MRPL2: variants seen among roughly 807,000 people sequenced by gnomAD.
MRPL2 encodes the protein mitochondrial ribosomal protein L2.
In MRPL2, 27 loss-of-function variants were observed where a neutral mutation model predicts 34.6. That is an observed-to-expected ratio of 0.78 (90% CI 0.58 to 1.08). The LOEUF (loss-of-function observed/expected upper bound fraction) is 1.08. Ranked by LOEUF, MRPL2 falls within the 50% of genes least tolerant of loss-of-function variation. MRPL2 has a pLI of 0.00. For synonymous variants in MRPL2, 155 were observed against 158.0 expected (o/e 0.98, Z 0.14); for missense variants, 414 against 419.3 (o/e 0.99, Z 0.11).
rs754560879 is a variant in MRPL2 at position 43,054,338 on chromosome 6, T to C, written c.854A>G (p.Lys285Arg). ...WHRKGGWAGR[K>R]IRPLPPMKSY... is the part of the protein sequence containing the mutation. ...CTTCATGGGGGGTAGTGGCCGAATC[T>C]TTCGGCCAGCCCAGCCCCCCTTGCG... Residue 285 changes from lysine (K) to arginine (R), a missense_variant, in exon 7 of 7, where the codon AAG (lysine) becomes AGG (arginine). Lys to Arg is a conservative substitution (Grantham distance 26). Transcript: ENST00000388752. 6.2e-7 allele frequency: 1 copy of C among 1,613,970 alleles called. No individual in the cohort carries two copies. Among genetic ancestry groups the C allele is most frequent in the Non-Finnish European group, 8.5e-7 (1 of 1,179,992 alleles).
intron 6 of MRPL2, 75 bp from the exon 7 acceptor site, chr6:43,054,561 G>C (rs112364528): frequency 3.4e-5 from 45 of 1,331,360 alleles, no homozygotes; most frequent in African/African-American, 3.0e-4. Flanking sequence ...CACACCCTTG[G>C]GGGGCTTCTT....
intron 6 of MRPL2, 57 bp from the exon 7 acceptor site, chr6:43,054,543 G>T: frequency 6.7e-7 from 1 of 1,492,374 alleles, no homozygotes; most frequent in Non-Finnish European, 9.3e-7. Flanking sequence ...GCTTGACAAT[G>T]TTGAGAGCAC....
intron 2 of MRPL2, 139 bp from the exon 3 acceptor site, chr6:43,056,584 C>T: frequency 1.1e-6 from 1 of 941,396 alleles, no homozygotes; most frequent in South Asian, 1.6e-5. Context: ...TTGCACAGCA[C>T]ACTGGAGTAA....
In MRPL2 at chr6:43,056,180, G is replaced by C. The variant is rs199592487; in HGVS notation, c.421C>G (p.Leu141Val). ...CGTTTCCGGCTGCCCCCAGCAACCA[G>C]AGCTATGTCTGCTGACCTAATCAGG... ...YDPCRSADIA[L>V]VAGGSRKRWI... The change falls in exon 4 of 7, where the codon CTG becomes GTG. Residue 141 changes from leucine (L) to valine (V), a missense_variant. Coordinates refer to ENST00000388752, the MANE Select transcript of MRPL2 (RefSeq NM_015950.5). 5 of 1,614,168 alleles carry C rather than the reference G, an allele frequency of 3.1e-6. No homozygotes were observed. In the East Asian group the frequency reaches 1.1e-4, roughly 36 times the overall value.
chr6:43,055,524 C>T (rs1764828873), intron 6 of MRPL2, 21 bp downstream of exon 6: 1 of 1,610,982 alleles, frequency 6.2e-7, no homozygotes, highest in Non-Finnish European at 8.5e-7. Flanking sequence ...GCTGACCCCT[C>T]CCATCCATAC....
intron 3 of MRPL2, 28 bp downstream of exon 3, chr6:43,056,279 C>G (rs1046800422): frequency 1.7e-5 from 28 of 1,614,006 alleles, no homozygotes; most frequent in Middle Eastern, 1.6e-4. Flanking sequence ...TCAGACCATT[C>G]CATCATCATC....
At chr6:43,055,213 T>C (rs1396326898) in intron 6 of MRPL2, among the ~76,000 whole-genome samples, 2 of 151,792 alleles carry the variant, frequency 1.3e-5, no homozygotes, top group Admixed American at 6.6e-5. Flanking sequence ...AACACAAAAA[T>C]TAGCTGGCTG....
In MRPL2 at chr6:43,059,056, C is replaced by CA. The variant is rs1764988600; in HGVS notation, c.96+229dup. Reference sequence around the variant, plus strand: ...CGAAACGTTATTACTGAAACCTGCACAACCGGTGATCTGCAAAGCACTTTC... The same window carrying CA: ...CGAAACGTTATTACTGAAACCTGCACAAACCGGTGATCTGCAAAGCACTTTC... On this transcript the variant is annotated intron_variant, in intron 1 of 6. Transcript: ENST00000388752. The CA allele has an allele frequency of 2.2e-6, 3 of 1,362,210 alleles. No individual in the cohort carries two copies. The East Asian group carries it at 7.6e-5, about 34-fold the overall frequency. 84.4% of individuals were successfully genotyped at this position (1,362,210 alleles called of 1,614,324 possible).
chr6:43,056,208 G>A lies in MRPL2; in HGVS notation c.405-12C>T, dbSNP rs202046878. 1.4e-5 allele frequency: 23 copies of A among 1,613,146 alleles called. No homozygotes were observed. In the African/African-American group the frequency reaches 2.4e-4, roughly 17 times the overall value. Reference sequence around the variant, plus strand: ...CTATGTCTGCTGACCTAATCAGGGTGAGGGACAGGTAAGCAGACCGTCTAG... The same window carrying A: ...CTATGTCTGCTGACCTAATCAGGGTAAGGGACAGGTAAGCAGACCGTCTAG... On this transcript the variant is annotated splice_polypyrimidine_tract_variant and intron_variant, in intron 3 of 6. Coordinates refer to ENST00000388752, the MANE Select transcript of MRPL2 (RefSeq NM_015950.5).
At position 43,058,233 on chromosome 6, in the gene MRPL2, T is replaced by C. The variant is rs145305278; in HGVS notation, c.97A>G (p.Met33Val). ...TGTTGGAGGAGGCCATTGTTCATCA[T>C]CTAGGGATAAAAAGACATCTCTTTC... The part of the protein sequence containing the change: ...PAPSLFPAAQ[M>V]MNNGLLQQPS... The change falls in exon 2 of 7, where the codon ATG (methionine) becomes GTG (valine). Residue 33 changes from methionine to valine, a missense_variant and splice_region_variant. Met to Val is a conservative substitution (Grantham distance 21). Transcript: ENST00000388752. The C allele has an allele frequency of 6.2e-4, 1,005 of 1,613,502 alleles. 9 individuals are homozygous for C. The highest frequency in any genetic ancestry group is 5.6e-3 in the Middle Eastern group (34 of 6,058).
chr6:43,058,193 A>G lies in MRPL2; in HGVS notation c.137T>C (p.Met46Thr). The change falls in exon 2 of 7, where the codon ATG becomes ACG. Residue 46 changes from methionine to threonine, a missense_variant. Met to Thr is a moderately conservative substitution (Grantham distance 81). Coordinates refer to ENST00000388752, the MANE Select transcript of MRPL2 (RefSeq NM_015950.5). Reference sequence around the variant, plus strand: ...AAGAACTGGGCGGCAGGGGAGCAACATCAAGGCAGAGGGCTGTTGGAGGAG... The same window carrying G: ...AAGAACTGGGCGGCAGGGGAGCAACGTCAAGGCAGAGGGCTGTTGGAGGAG... Reference protein sequence around the residue: ...NGLLQQPSALMLLPCRPVLTS... With the variant: ...NGLLQQPSALTLLPCRPVLTS... The G allele has an allele frequency of 6.2e-7, 1 of 1,614,216 alleles. No individual in the cohort carries two copies. The highest frequency in any genetic ancestry group is 8.5e-7 in the Non-Finnish European group (1 of 1,180,040).
intron 2 of MRPL2, among the ~76,000 whole-genome samples, chr6:43,056,768 G>C (rs1033649567): frequency 6.6e-6 from 1 of 151,280 alleles, no homozygotes; most frequent in Non-Finnish European, 1.5e-5. Context: ...TCCGCCTCCC[G>C]GGTTCACGCC....
chr6:43,055,219 G>A (rs1764805241), intron 6 of MRPL2, among the ~76,000 whole-genome samples: 1 of 151,478 alleles, frequency 6.6e-6, no homozygotes, highest in Non-Finnish European at 1.5e-5. Flanking sequence ...AAAATTAGCT[G>A]GCTGTGGTGG....
rs377560074 is a variant in MRPL2, at chr6:43,056,015, A to T, written c.521-8T>A. ...CCCCTTCCCGAGCAGCAACTAAAAG[A>T]CAGGATTTCATTAGCTCTAGAACTT... On this transcript the variant is annotated splice_region_variant and splice_polypyrimidine_tract_variant and intron_variant, in intron 4 of 6. Transcript: ENST00000388752. The T allele has an allele frequency of 6.8e-6, 11 of 1,614,002 alleles. No homozygotes were observed. Among genetic ancestry groups the T allele is most frequent in the African/African-American group, 2.7e-5 (2 of 74,904 alleles).
chr6:43,054,551 C>T, intron 6 of MRPL2, 65 bp from the exon 7 acceptor site: 1 of 1,443,780 alleles, frequency 6.9e-7, no homozygotes, highest in Non-Finnish European at 9.6e-7. Context: ...ATGTTGAGAG[C>T]ACACCCTTGG....
chr6:43,056,506 G>A, intron 2 of MRPL2, 61 bp from the exon 3 acceptor site: 1 of 1,599,832 alleles, frequency 6.3e-7, no homozygotes, highest in Non-Finnish European at 8.5e-7. Flanking sequence ...TTCCAGCACT[G>A]GGAACTGGCC....
In MRPL2 at chr6:43,056,448, G is replaced by C. The variant is rs768865188; in HGVS notation, c.266-3C>G. 1 of 1,614,190 alleles carries C rather than the reference G, an allele frequency of 6.2e-7. No homozygotes were observed. The highest frequency in any genetic ancestry group is 8.5e-7 in the Non-Finnish European group (1 of 1,180,040). ...AATACCATGCACCCGGATTCGGCCT[G>C]TGGTTTAGGACAGTTGGGGGATATG... On this transcript the variant is annotated splice_region_variant and splice_polypyrimidine_tract_variant and intron_variant, in intron 2 of 6. Coordinates refer to ENST00000388752, the MANE Select transcript of MRPL2 (RefSeq NM_015950.5).
chr6:43,054,186 C>CAA lies in MRPL2; in HGVS notation c.*86_*87dup. On this transcript the variant is annotated 3_prime_UTR_variant, in exon 7 of 7. Coordinates refer to ENST00000388752, the MANE Select transcript of MRPL2 (RefSeq NM_015950.5). ...CCCCTCCCCCGCAAAAAAAAAACAA[C>CAA]AACAAAAAAAACAAAAAACACCCAA... 16 of 998,944 alleles carry CAA rather than the reference C, an allele frequency of 1.6e-5. No individual in the cohort carries two copies. Among genetic ancestry groups the CAA allele is most frequent in the South Asian group, 3.2e-5 (2 of 61,644 alleles). The allele number at this position is 998,944 out of a possible 1,614,324, so 61.9% of individuals were successfully genotyped here. A position where few individuals can be genotyped will look rare whatever the true frequency, so the allele number is the denominator to read the frequency against.
rs968813004 is a variant in MRPL2 at position 43,059,270 on chromosome 6, G to A, written c.96+16C>T. Reference sequence around the variant, plus strand: ...CCCGAATGGAAGCAGCCTTCTTCCCGGGTAAGATGGATTACCTGGGCGGCG... The same window carrying A: ...CCCGAATGGAAGCAGCCTTCTTCCCAGGTAAGATGGATTACCTGGGCGGCG... On this transcript the variant is annotated intron_variant, in intron 1 of 6. Transcript: ENST00000388752. 8.4e-6 allele frequency: 13 copies of A among 1,551,240 alleles called. No individual in the cohort carries two copies. The highest frequency in any genetic ancestry group is 4.1e-5 in the African/African-American group (3 of 73,040).
Sources: allele counts gnomAD v4.1 joint callset (sites outside exome capture counted in the v4.1 genomes callset), GRCh38; gene constraint gnomAD v4.1.1; transcripts MANE v1.5; gene names NCBI Gene and HGNC (gene_info 2026-07-23, HGNC 2026-07-21).